ADGRG4: variants seen among roughly 807,000 people sequenced by gnomAD.
ADGRG4 encodes adhesion G protein-coupled receptor G4, also known as G protein-coupled receptor 112.
Under a neutral mutation model 126.2 loss-of-function variants are expected in ADGRG4, and 122 were observed. That is an observed-to-expected ratio of 0.97 (90% confidence interval 0.83 to 1.12). The LOEUF is 1.12. Among genes scored for constraint, ADGRG4 ranks in the 50% most tolerant of loss-of-function variants. ADGRG4 has a pLI of 0.00. For synonymous variants in ADGRG4, 943 were observed against 838.7 expected (o/e 1.12, Z -2.15); for missense variants, 2,481 against 2,251.8 (o/e 1.10, Z -2.06).
intron 23 of ADGRG4, among the ~76,000 whole-genome samples, chrX:136,406,639 TG>T (rs2075412345): frequency 9.0e-6 from 1 of 111,703 alleles, no homozygotes; most frequent in Non-Finnish European, 1.9e-5. Flanking sequence ...AGGGGCCGGG[TG>T]TGATGGCTCG....
Position 136,349,996 on chromosome X carries a change from A to T in ADGRG4, c.6290A>T (p.Asp2097Val). 8.3e-7 allele frequency: 1 copy of T among 1,209,026 alleles called. No homozygotes were observed. The highest frequency in any genetic ancestry group is 1.8e-5 in the South Asian group (1 of 56,918). The change falls in exon 6 of 26, where the codon GAC becomes GTC. Residue 2097 changes from aspartate (D) to valine (V), a missense_variant. Asp to Val is a radical substitution (Grantham distance 152). Transcript: ENST00000394143. ...SLPMSINVTDDIVYISTHPEA... is the reference protein window; with the variant it reads ...SLPMSINVTDVIVYISTHPEA... ...CCTATGTCTATAAATGTCACAGATG[A>T]CATTGTGTACATTTCCACACACCCT...
intron 13 of ADGRG4, among the ~76,000 whole-genome samples, chrX:136,366,819 C>G: frequency 9.0e-6 from 1 of 111,263 alleles, no homozygotes; most frequent in Non-Finnish European, 1.9e-5. Context: ...GCATATTTTC[C>G]ATATTTATGT....
rs2075053746 is a variant in ADGRG4, at chrX:136,350,365, G to A, written c.6659G>A (p.Trp2220Ter). Residue 2220 changes from tryptophan (W) to a stop codon, truncating the protein, a stop_gained, in exon 6 of 26, where the codon TGG becomes TAG. Transcript: ENST00000394143. LOFTEE classifies it high-confidence loss of function. ...SPISSFFETTWLDSTPSFLST... is the reference protein window; with the variant it reads ...SPISSFFETT ...ATATCGTCCTTTTTTGAAACAACTT[G>A]GCTGGACTCCACACCTTCCTTTCTA... The A allele has an allele frequency of 8.3e-7, 1 of 1,210,432 alleles. No individual in the cohort carries two copies. Among genetic ancestry groups the A allele is most frequent in the Non-Finnish European group, 1.1e-6 (1 of 894,780 alleles).
chrX:136,322,824 T>C lies in ADGRG4; in HGVS notation c.117T>C (p.Gly39=). Residue 39 remains glycine (G), a synonymous_variant, in exon 5 of 26, where the codon GGT becomes GGC. Transcript: ENST00000394143. ...KGKKLDFFGR[G]DTYVSLIDTI... ...AAAAGCTGGATTTTTTTGGAAGAGG[T>C]GACACATATGTAAGCCTGATAGATA... 1 of 1,199,715 alleles carries C rather than the reference T, an allele frequency of 8.3e-7. No homozygotes were observed. Among genetic ancestry groups the C allele is most frequent in the Non-Finnish European group, 1.1e-6 (1 of 889,047 alleles).
At chrX:136,330,735 T>A (rs1346681916) in intron 5 of ADGRG4, among the ~76,000 whole-genome samples, 1 of 111,717 alleles carries the variant, frequency 9.0e-6, no homozygotes, top group Non-Finnish European at 1.9e-5. Context: ...TGTACATATT[T>A]GTGTAGTATA....
chrX:136,332,863 T>C (rs1303712538), intron 5 of ADGRG4, among the ~76,000 whole-genome samples: 10 of 110,427 alleles, frequency 9.1e-5, no homozygotes, highest in African/African-American at 3.0e-4. Context: ...GTTTGTTTTT[T>C]TCTTGTAAAT....
At chrX:136,366,751 A>G (rs977771970) in intron 13 of ADGRG4, among the ~76,000 whole-genome samples, 1 of 111,957 alleles carries the variant, frequency 8.9e-6, no homozygotes, top group Non-Finnish European at 1.9e-5. Flanking sequence ...GTGGTATCTC[A>G]TTGTTGTTTT....
Position 136,395,474 on chromosome X carries a change from C to G in ADGRG4, c.8165C>G (p.Thr2722Ser). 1 of 1,174,151 alleles carries G rather than the reference C, an allele frequency of 8.5e-7. No individual in the cohort carries two copies. The change falls in exon 19 of 26, where the codon ACC becomes AGC. Residue 2722 changes from threonine to serine, a missense_variant. Physicochemically the swap from Thr to Ser is moderately conservative, Grantham distance 58. Transcript: ENST00000394143. ...ACAATCTGTCAGTGTGACCACCTCA[C>G]CCATTTTGGAGTCTTAATGGTGAGT... ...NYTICQCDHL[T>S]HFGVLMDLSR...
chrX:136,305,595 G>T (rs1040975383), intron 3 of ADGRG4, among the ~76,000 whole-genome samples: 2 of 112,226 alleles, frequency 1.8e-5, no homozygotes, highest in South Asian at 7.5e-4. Context: ...CTTTCAAGGC[G>T]ACTTGAAGAA....
rs772277362 is a variant in ADGRG4 at position 136,353,401 on chromosome X, G to A, written c.6887G>A (p.Arg2296Lys). Residue 2296 changes from arginine to lysine, a missense_variant and splice_region_variant, in exon 8 of 26, where the codon AGG (arginine) becomes AAG (lysine). By Grantham distance (26) the Arg-to-Lys change is conservative. Transcript: ENST00000394143. ...LATLETQIKS[R>K]DISEEEMVMD... ...ACTCTGGAAACCCAAATTAAAAGCA[G>A]GTATGTGAATGACATTTACTGTGGG... 2 of 1,178,233 alleles carry A rather than the reference G, an allele frequency of 1.7e-6. No individual in the cohort carries two copies. The highest frequency in any genetic ancestry group is 2.3e-6 in the Non-Finnish European group (2 of 865,586).
At chrX:136,339,978 C>G (rs1157025586) in intron 5 of ADGRG4, among the ~76,000 whole-genome samples, 1 of 111,305 alleles carries the variant, frequency 9.0e-6, no homozygotes, top group African/African-American at 3.3e-5. Flanking sequence ...GAAGGACAGG[C>G]ATTAAATTCA....
chrX:136,363,301 C>T (rs1044573570), intron 12 of ADGRG4, among the ~76,000 whole-genome samples, 176 bp from the exon 13 acceptor site: 1 of 111,599 alleles, frequency 9.0e-6, no homozygotes, highest in Non-Finnish European at 1.9e-5. Flanking sequence ...TCACTTGCTC[C>T]CTAAGAGCAA....
chrX:136,333,833 A>G (rs781539300), intron 5 of ADGRG4, among the ~76,000 whole-genome samples: 12 of 112,279 alleles, frequency 1.1e-4, no homozygotes, highest in Non-Finnish European at 1.7e-4. Flanking sequence ...TTCTTTTTAT[A>G]TGGGCTTTCA....
rs140366775 is a variant in ADGRG4 at position 136,344,988 on chromosome X, C to T, written c.1282C>T (p.Leu428Phe). ...LKQKSTNTGA[L>F]PISTAGQEFI... ...ACAAAAATCCACAAATACTGGGGCA[C>T]TCCCTATCTCCACAGCTGGCCAGGA... Residue 428 changes from leucine to phenylalanine, a missense_variant, in exon 6 of 26, where the codon CTC becomes TTC. Physicochemically the swap from Leu to Phe is conservative, Grantham distance 22. Coordinates refer to ENST00000394143, the MANE Select transcript of ADGRG4 (RefSeq NM_153834.4). The T allele has an allele frequency of 1.1e-5, 13 of 1,209,609 alleles. No individual in the cohort carries two copies. The highest frequency in any genetic ancestry group is 1.8e-5 in the South Asian group (1 of 56,745).
Position 136,371,388 on chromosome X carries a change from G to A in ADGRG4, c.7457G>A (p.Gly2486Asp). Residue 2486 changes from glycine (G) to aspartate (D), a missense_variant, in exon 14 of 26, where the codon GGT (glycine) becomes GAT (aspartate). Coordinates refer to ENST00000394143, the MANE Select transcript of ADGRG4 (RefSeq NM_153834.4). ...LNLINESPALGKEETKIIVSK... is the reference protein window; with the variant it reads ...LNLINESPALDKEETKIIVSK... ...TTGATAAATGAATCCCCAGCCCTGGGTAAAGAAGAGACAAAGATTATTGTT... is the reference window on the plus strand; with the variant it reads ...TTGATAAATGAATCCCCAGCCCTGGATAAAGAAGAGACAAAGATTATTGTT... The A allele has an allele frequency of 8.4e-7, 1 of 1,197,586 alleles. No homozygotes were observed. The highest frequency in any genetic ancestry group is 3.0e-5 in the East Asian group (1 of 33,618).
intron 3 of ADGRG4, among the ~76,000 whole-genome samples, chrX:136,307,955 C>T (rs1489328517): frequency 8.9e-6 from 1 of 112,691 alleles, no homozygotes; most frequent in Non-Finnish European, 1.9e-5. Flanking sequence ...CTAAACAGAT[C>T]TGTTTTAAAA....
rs1185105554 is a variant in ADGRG4 at position 136,395,404 on chromosome X, T to C, written c.8095T>C (p.Trp2699Arg). The C allele has an allele frequency of 1.7e-6, 2 of 1,195,116 alleles. No homozygotes were observed. Among genetic ancestry groups the C allele is most frequent in the East Asian group, 3.0e-5 (1 of 33,639 alleles). ...GTCTCCTACAGATGGGCTGGGTGGA[T>C]GGAATTCGTCAGGCTGTAAAGTAAA... ...DFENNNGLGG[W>R]NSSGCKVKET... is the part of the protein sequence containing the mutation. The change falls in exon 19 of 26, where the codon TGG becomes CGG. Residue 2699 changes from tryptophan (W) to arginine (R), a missense_variant. Physicochemically the swap from Trp to Arg is moderately radical, Grantham distance 101. Coordinates refer to ENST00000394143, the MANE Select transcript of ADGRG4 (RefSeq NM_153834.4).
intron 7 of ADGRG4, among the ~76,000 whole-genome samples, chrX:136,352,402 A>T (rs747477232): frequency 9.1e-6 from 1 of 110,433 alleles, no homozygotes; most frequent in East Asian, 2.8e-4. Flanking sequence ...ACTGTGGCTC[A>T]TGCCTGTAAT....
intron 8 of ADGRG4, 112 bp downstream of exon 8, chrX:136,353,513 T>G: frequency 1.9e-6 from 1 of 526,104 alleles, no homozygotes; most frequent in Non-Finnish European, 3.3e-6. Context: ...GGCTGCCACA[T>G]TTTTAGTTGC....
Sources: allele counts gnomAD v4.1 joint callset (sites outside exome capture counted in the v4.1 genomes callset), GRCh38; gene constraint gnomAD v4.1.1; transcripts MANE v1.5; gene names NCBI Gene and HGNC (gene_info 2026-07-23, HGNC 2026-07-21).